The following ZBTB20 variants were observed in gnomAD, a reference collection of about 807,000 sequenced individuals.
The protein encoded by ZBTB20 is zinc finger and BTB domain containing 20.
A neutral mutation model predicts 56.9 loss-of-function variants in ZBTB20; 9 were observed. The observed-to-expected ratio is 0.16, with a 90% confidence interval of 0.10 to 0.28. The LOEUF is 0.28. Among genes scored for constraint, ZBTB20 ranks in the 10% least tolerant of loss-of-function variants. ZBTB20 has a pLI of 1.00. For missense variants in ZBTB20, 655 were observed against 1,003.0 expected (o/e 0.65, Z 4.69); for synonymous variants, 417 against 420.7 (o/e 0.99, Z 0.11).
At chr3:115,140,362 A>C (rs980388033) in intron 1 of ZBTB20, among the ~76,000 whole-genome samples, 5 of 152,102 alleles carry the variant, frequency 3.3e-5, no homozygotes, top group African/African-American at 1.2e-4. Flanking sequence ...TACTTACTTA[A>C]TTTTATATTC....
chr3:114,600,090 A>G (rs2056643297), intron 6 of ZBTB20, among the ~76,000 whole-genome samples: 1 of 152,066 alleles, frequency 6.6e-6, no homozygotes, highest in African/African-American at 2.4e-5. Context: ...GAAAGCATCT[A>G]GTACAACTAA....
In ZBTB20 at chr3:114,801,418, G is replaced by A. The variant is rs150654193; in HGVS notation, c.-416-244C>T. 5.8e-3 allele frequency among the ~76,000 whole-genome samples: 806 copies of A among 139,830 alleles called. 5 individuals carry two copies. Among genetic ancestry groups the A allele is most frequent in the Non-Finnish European group, 9.4e-3 (609 of 64,910 alleles). 91.7% of individuals were successfully genotyped at this position (139,830 alleles called of 152,430 possible). A position where few individuals can be genotyped will look rare whatever the true frequency, so the allele number is the denominator to read the frequency against. On this transcript the variant is annotated intron_variant, in intron 4 of 11. Transcript: ENST00000675478. The stretch of plus-strand genomic sequence containing the variant: ...TAAAGAGGAGAAAAAAAGCAATTCT[G>A]AAAAACAAAATACGCCTCCATGTTA...
chr3:114,867,152 C>A (rs1192363024), intron 4 of ZBTB20, among the ~76,000 whole-genome samples: 1 of 152,098 alleles, frequency 6.6e-6, no homozygotes, highest in African/African-American at 2.4e-5. Flanking sequence ...GGGCACTCGG[C>A]TCTTAAGAGA....
At chr3:114,596,836 T>A (rs1326187440) in intron 6 of ZBTB20, among the ~76,000 whole-genome samples, 1 of 152,148 alleles carries the variant, frequency 6.6e-6, no homozygotes, top group Admixed American at 6.6e-5. Flanking sequence ...TAAAGCTCAA[T>A]CATAACTCCT....
chr3:115,033,389 A>G (rs2080783139), intron 2 of ZBTB20, among the ~76,000 whole-genome samples: 1 of 151,626 alleles, frequency 6.6e-6, no homozygotes, highest in Admixed American at 6.6e-5. Context: ...CCCAATAAAG[A>G]AAAGTCCTGG....
intron 4 of ZBTB20, among the ~76,000 whole-genome samples, chr3:114,802,034 A>AT (rs1553826792): frequency 6.6e-6 from 1 of 151,930 alleles, no homozygotes; most frequent in African/African-American, 2.4e-5. Context: ...AAATAATAGT[A>AT]TTTTTTAAAT....
intron 2 of ZBTB20, among the ~76,000 whole-genome samples, chr3:115,008,369 G>T (rs2079560110): frequency 1.3e-5 from 2 of 151,882 alleles, no homozygotes; most frequent in South Asian, 4.1e-4. Context: ...TAATCTGTAT[G>T]CTGAGGGTTA....
intron 6 of ZBTB20, among the ~76,000 whole-genome samples, chr3:114,656,973 T>C (rs756269268): frequency 2.0e-5 from 3 of 152,230 alleles, no homozygotes; most frequent in Non-Finnish European, 2.9e-5. Flanking sequence ...ATCCTGAATA[T>C]ATTTATAATT....
chr3:114,669,298 C>T (rs184781110), intron 6 of ZBTB20, among the ~76,000 whole-genome samples: 1 of 152,126 alleles, frequency 6.6e-6, no homozygotes, highest in East Asian at 1.9e-4. Context: ...GAGCCACTGG[C>T]CTTAAACCAT....
At chr3:114,472,852 G>C (rs1405488526) in intron 7 of ZBTB20, among the ~76,000 whole-genome samples, 1 of 152,144 alleles carries the variant, frequency 6.6e-6, no homozygotes, top group Non-Finnish European at 1.5e-5. Context: ...CTATGTGAAA[G>C]GTAAAGTATG....
intron 7 of ZBTB20, among the ~76,000 whole-genome samples, chr3:114,431,598 A>T (rs559264580): frequency 6.6e-6 from 1 of 152,318 alleles, no homozygotes; most frequent in African/African-American, 2.4e-5. Flanking sequence ...ACAAAATACC[A>T]TTTGAACTGC....
intron 7 of ZBTB20, among the ~76,000 whole-genome samples, chr3:114,395,573 C>T (rs901519356): frequency 2.6e-5 from 4 of 152,132 alleles, no homozygotes; most frequent in Admixed American, 6.6e-5. Context: ...CCCAAGTCTA[C>T]GTCACCAGCC....
intron 5 of ZBTB20, among the ~76,000 whole-genome samples, chr3:114,743,202 G>A (rs1442069224): frequency 6.6e-6 from 1 of 152,088 alleles, no homozygotes; most frequent in Non-Finnish European, 1.5e-5. Flanking sequence ...GAAGTATAAA[G>A]CTGGCCTTAA....
rs374575708 is a variant in ZBTB20 at position 115,010,178 on chromosome 3, TG to T, written c.-506-35763del. Among the ~76,000 whole-genome samples the T allele has an allele frequency of 2.3e-3, 349 of 152,052 alleles. 2 individuals are homozygous for T. Among genetic ancestry groups the T allele is most frequent in the African/African-American group, 8.3e-3 (343 of 41,532 alleles). ...GCTACAGATGGTACTTCTGGACCCATGTGGAACCTGGGGGTCCTTGCTGTCC... is the reference window on the plus strand; with the variant it reads ...GCTACAGATGGTACTTCTGGACCCATTGGAACCTGGGGGTCCTTGCTGTCC... On this transcript the variant is annotated intron_variant, in intron 2 of 11. Coordinates refer to ENST00000675478, the MANE Select transcript of ZBTB20 (RefSeq NM_001348800.3).
At chr3:115,143,233 A>G (rs1232373194) in intron 1 of ZBTB20, among the ~76,000 whole-genome samples, 1 of 152,250 alleles carries the variant, frequency 6.6e-6, no homozygotes, top group Non-Finnish European at 1.5e-5. Context: ...TGCATTACAA[A>G]TAAGTCTATT....
intron 10 of ZBTB20, among the ~76,000 whole-genome samples, chr3:114,360,144 A>C (rs1055324825): frequency 6.6e-6 from 1 of 151,162 alleles, no homozygotes; most frequent in Non-Finnish European, 1.5e-5. Flanking sequence ...AATATCATTG[A>C]GTTCCCAATT....
chr3:115,103,811 C>A (rs1003321492), intron 1 of ZBTB20, among the ~76,000 whole-genome samples: 2 of 152,088 alleles, frequency 1.3e-5, no homozygotes, highest in Non-Finnish European at 2.9e-5. Context: ...AGATACAACA[C>A]CAAAGACATA....
chr3:115,019,481 A>G (rs2080117195), intron 2 of ZBTB20, among the ~76,000 whole-genome samples: 1 of 151,288 alleles, frequency 6.6e-6, no homozygotes. Flanking sequence ...TTATGTATAT[A>G]CAATAAAAAA....
chr3:114,568,495 A>T (rs2053054811), intron 6 of ZBTB20, among the ~76,000 whole-genome samples: 1 of 152,214 alleles, frequency 6.6e-6, no homozygotes, highest in African/African-American at 2.4e-5. Flanking sequence ...TTGCATGCAC[A>T]GCTGGTATAC....
Sources: allele counts gnomAD v4.1 joint callset (sites outside exome capture counted in the v4.1 genomes callset), GRCh38; gene constraint gnomAD v4.1.1; transcripts MANE v1.5; gene names NCBI Gene and HGNC (gene_info 2026-07-23, HGNC 2026-07-21).